Variants in TMEM63C observed in about 807,000 individuals in gnomAD.
TMEM63C encodes osmosensitive cation channel TMEM63C.
In TMEM63C, 32 loss-of-function variants were observed where a neutral mutation model predicts 99.2. The ratio of observed to expected loss-of-function variants is 0.32; its 90% CI spans 0.24 to 0.43. TMEM63C has a LOEUF of 0.43. Ranked by LOEUF, TMEM63C falls within the 20% of genes least tolerant of loss-of-function variation. The pLI is 1.00. For missense variants in TMEM63C, 826 were observed against 1,053.0 expected (o/e 0.78, Z 2.98); for synonymous variants, 376 against 397.9 (o/e 0.94, Z 0.66).
At position 77,257,365 on chromosome 14, in the gene TMEM63C, T is replaced by A. The variant is rs1889484755; in HGVS notation, c.*639T>A. 6.6e-6 allele frequency: 1 copy of A among 152,378 alleles called. No individual in the cohort carries two copies. The highest frequency in any genetic ancestry group is 1.5e-5 in the Non-Finnish European group (1 of 68,190). 9.4% of individuals were successfully genotyped at this position (152,378 alleles called of 1,614,324 possible). A position where few individuals can be genotyped will look rare whatever the true frequency, so the allele number is the denominator to read the frequency against. ...GCCCCTTCCTGCTCCTCTGCCCTCA[T>A]CAGATGTCCCCAGGAGCAGCAGGGC... On this transcript the variant is annotated 3_prime_UTR_variant, in exon 24 of 24. Coordinates refer to ENST00000298351, the MANE Select transcript of TMEM63C (RefSeq NM_020431.4).
intron 1 of TMEM63C, among the ~76,000 whole-genome samples, chr14:77,208,977 C>T (rs542694156): frequency 6.6e-6 from 1 of 152,074 alleles, no homozygotes; most frequent in East Asian, 1.9e-4. Context: ...AACTGCAATC[C>T]TCTCACCCCA....
intron 23 of TMEM63C, among the ~76,000 whole-genome samples, chr14:77,254,944 C>T (rs1341918088): frequency 1.3e-5 from 2 of 152,096 alleles, no homozygotes. Context: ...GTATGATTTA[C>T]ATAGTTTTGC....
At chr14:77,254,962 A>G (rs778616836) in intron 23 of TMEM63C, among the ~76,000 whole-genome samples, 5 of 152,240 alleles carry the variant, frequency 3.3e-5, no homozygotes, top group Admixed American at 6.5e-5. Context: ...TGCTAAAATG[A>G]AATAGTACTG....
chr14:77,253,532 T>A (rs1180666346), intron 23 of TMEM63C, among the ~76,000 whole-genome samples, 156 bp downstream of exon 23: 1 of 152,194 alleles, frequency 6.6e-6, no homozygotes, highest in African/African-American at 2.4e-5. Context: ...GGAGCAGGAC[T>A]TGGCCCAGGT....
chr14:77,233,246 C>T (rs1325785074), intron 7 of TMEM63C, among the ~76,000 whole-genome samples: 1 of 152,130 alleles, frequency 6.6e-6, no homozygotes, highest in Non-Finnish European at 1.5e-5. Context: ...CGCTTTCCTC[C>T]CGAGAGCCCC....
At chr14:77,218,560 T>C (rs994052513) in intron 2 of TMEM63C, among the ~76,000 whole-genome samples, 6 of 152,194 alleles carry the variant, frequency 3.9e-5, no homozygotes, top group Non-Finnish European at 7.3e-5. Context: ...TGGTACAAAA[T>C]AAGAACTCTC....
At chr14:77,227,139 A>G (rs1220861267) in intron 6 of TMEM63C, among the ~76,000 whole-genome samples, 1 of 152,168 alleles carries the variant, frequency 6.6e-6, no homozygotes, top group Non-Finnish European at 1.5e-5. Context: ...GCCAATTAGT[A>G]TTTTTAAGCT....
At chr14:77,183,049 G>A (rs1393963516) in intron 1 of TMEM63C, among the ~76,000 whole-genome samples, 2 of 152,192 alleles carry the variant, frequency 1.3e-5, no homozygotes, top group African/African-American at 2.4e-5. Flanking sequence ...GCCCTTAGAA[G>A]TGAACTTTCC....
chr14:77,252,036 A>T lies in TMEM63C; in HGVS notation c.2148+138A>T, dbSNP rs953159929. 1.1e-5 allele frequency: 8 copies of T among 756,262 alleles called. No individual in the cohort carries two copies. In the African/African-American group the frequency reaches 1.4e-4, roughly 13 times the overall value. 46.8% of individuals were successfully genotyped at this position (756,262 alleles called of 1,614,324 possible). On this transcript the variant is annotated intron_variant, in intron 22 of 23. Coordinates refer to ENST00000298351, the MANE Select transcript of TMEM63C (RefSeq NM_020431.4). ...CTTTGTCTCTGACTGTAGAGCGTGG[A>T]GCCCAGTGTGCATGCGTGCATGCAT... is the stretch of plus-strand genomic sequence containing the variant.
At position 77,242,993 on chromosome 14, in the gene TMEM63C, G is replaced by A. The variant is rs201321718; in HGVS notation, c.1278G>A (p.Thr426=). The change falls in exon 15 of 24, where the codon ACG becomes ACA. Residue 426 remains threonine, a synonymous_variant. Coordinates refer to ENST00000298351, the MANE Select transcript of TMEM63C (RefSeq NM_020431.4). ...FLFFLFFFLT[T]PAIIMNTIDM... ...TCTTCCTCTTCTTCTTTCTCACCAC[G>A]CCTGCCATCATCATGAACACTATCG... 3.8e-5 allele frequency: 62 copies of A among 1,613,826 alleles called. No individual in the cohort carries two copies. Among genetic ancestry groups the A allele is most frequent in the Non-Finnish European group, 5.2e-5 (61 of 1,179,876 alleles).
At chr14:77,236,950 C>CG (rs1304065136) in intron 9 of TMEM63C, among the ~76,000 whole-genome samples, 1 of 116,050 alleles carries the variant, frequency 8.6e-6, no homozygotes. Context: ...CCCTCTCACC[C>CG]TCCTCCACGC....
At chr14:77,253,575 A>T (rs906886430) in intron 23 of TMEM63C, among the ~76,000 whole-genome samples, 199 bp downstream of exon 23, 1 of 152,220 alleles carries the variant, frequency 6.6e-6, no homozygotes, top group Admixed American at 6.5e-5. Context: ...ATGAAGAGTG[A>T]GAAAAAGAGA....
At position 77,242,906 on chromosome 14, in the gene TMEM63C, A is replaced by G. The variant is rs1480330483; in HGVS notation, c.1191A>G (p.Lys397=). ...MAPHPKDIIW[K]HLSVRRFFWW... ...TCCTTCTTCCATCCTTCCCCAGGAA[A>G]CACCTGTCTGTCCGCCGCTTCTTTT... The change falls in exon 15 of 24, where the codon AAA becomes AAG. Residue 397 remains lysine (K), a synonymous_variant. Transcript: ENST00000298351. The G allele has an allele frequency of 6.2e-7, 1 of 1,614,006 alleles. No homozygotes were observed. Among genetic ancestry groups the G allele is most frequent in the African/African-American group, 1.3e-5 (1 of 75,050 alleles).
intron 7 of TMEM63C, 121 bp from the exon 8 acceptor site, chr14:77,233,331 G>A (rs891444704): frequency 4.1e-6 from 4 of 985,678 alleles, no homozygotes; most frequent in Non-Finnish European, 6.2e-6. Context: ...GGAACCAGAA[G>A]GAAGAGGAGG....
At chr14:77,232,274 ATAT>A in intron 7 of TMEM63C, among the ~76,000 whole-genome samples, 1 of 150,602 alleles carries the variant, frequency 6.6e-6, no homozygotes. Flanking sequence ...ATTTTATTTT[ATAT>A]TTTATTTATT....
Position 77,256,538 on chromosome 14 carries a change from A to G in TMEM63C, c.2233A>G (p.Thr745Ala), listed in dbSNP as rs1411953483. The change falls in exon 24 of 24, where the codon ACC (threonine) becomes GCC (alanine). Residue 745 changes from threonine to alanine, a missense_variant. Transcript: ENST00000298351. ...STPTSLLYVA[T>A]VLQEPELNLT... ...CTATCCCAAGCAGCTGTATGTGGCC[A>G]CCGTGCTGCAAGAACCGGAGTTGAA... 3 of 1,613,930 alleles carry G rather than the reference A, an allele frequency of 1.9e-6. No individual in the cohort carries two copies. The highest frequency in any genetic ancestry group is 2.5e-6 in the Non-Finnish European group (3 of 1,179,862).
At chr14:77,236,544 A>T in intron 8 of TMEM63C, 80 bp from the exon 9 acceptor site, 1 of 982,356 alleles carries the variant, frequency 1.0e-6, no homozygotes, top group Non-Finnish European at 1.6e-6. Context: ...TGAGGGTAGG[A>T]GGAGGCCCAG....
At chr14:77,210,881 G>A (rs1367516776) in intron 1 of TMEM63C, among the ~76,000 whole-genome samples, 2 of 152,202 alleles carry the variant, frequency 1.3e-5, no homozygotes, top group Non-Finnish European at 2.9e-5. Context: ...GGGTCATGGG[G>A]TTGGAGAGAA....
intron 16 of TMEM63C, among the ~76,000 whole-genome samples, chr14:77,245,499 T>C (rs1389032311): frequency 1.3e-5 from 2 of 152,210 alleles, no homozygotes; most frequent in African/African-American, 4.8e-5. Flanking sequence ...ATTAGTCCAT[T>C]TGCACTCTGC....
Sources: allele counts gnomAD v4.1 joint callset (sites outside exome capture counted in the v4.1 genomes callset), GRCh38; gene constraint gnomAD v4.1.1; transcripts MANE v1.5; gene names NCBI Gene and HGNC (gene_info 2026-07-23, HGNC 2026-07-21).